COL24A1: variants seen among roughly 807,000 people sequenced by gnomAD.
COL24A1 encodes the protein collagen alpha-1(XXIV) chain.
A neutral mutation model predicts 253.9 loss-of-function variants in COL24A1; 224 were observed. The observed-to-expected ratio is 0.88, with a 90% confidence interval of 0.79 to 0.99. The LOEUF is 0.99. Ranked by LOEUF, COL24A1 falls within the 50% of genes least tolerant of loss-of-function variation. The probability of loss-of-function intolerance (pLI) is 0.00; values close to 1 mark genes in which losing one functional copy is unlikely to be tolerated. For synonymous variants in COL24A1, 685 were observed against 673.7 expected (o/e 1.02, Z -0.26); for missense variants, 2,131 against 2,068.5 (o/e 1.03, Z -0.59).
intron 59 of COL24A1, among the ~76,000 whole-genome samples, chr1:85,733,539 T>C (rs979598041): frequency 6.6e-6 from 1 of 152,108 alleles, no homozygotes; most frequent in Non-Finnish European, 1.5e-5. Flanking sequence ...CTCTAAGAAA[T>C]AGTGTTTTAA....
chr1:86,012,077 C>T (rs571432179), intron 19 of COL24A1, among the ~76,000 whole-genome samples: 1 of 151,780 alleles, frequency 6.6e-6, no homozygotes, highest in African/African-American at 2.4e-5. Flanking sequence ...TTGTAGCCAC[C>T]CAAAGTGCTG....
intron 2 of COL24A1, among the ~76,000 whole-genome samples, chr1:86,131,280 C>T (rs374923623): frequency 2.6e-5 from 4 of 151,882 alleles, no homozygotes; most frequent in East Asian, 3.9e-4. Flanking sequence ...ATTCATTGCA[C>T]AGGTTCAAAT....
At chr1:85,800,496 G>A (rs1456807594) in intron 47 of COL24A1, among the ~76,000 whole-genome samples, 3 of 152,216 alleles carry the variant, frequency 2.0e-5, no homozygotes, top group Non-Finnish European at 4.4e-5. Flanking sequence ...AACTAATACT[G>A]GATAATAAAG....
At chr1:85,999,045 T>C (rs1695141550) in intron 19 of COL24A1, among the ~76,000 whole-genome samples, 1 of 152,224 alleles carries the variant, frequency 6.6e-6, no homozygotes, top group Non-Finnish European at 1.5e-5. Context: ...ATTTTGGTGA[T>C]GAAGATGGGA....
At chr1:85,891,724 T>C (rs1460998283) in intron 31 of COL24A1, among the ~76,000 whole-genome samples, 1 of 152,194 alleles carries the variant, frequency 6.6e-6, no homozygotes, top group African/African-American at 2.4e-5. Context: ...TACAGAAAAC[T>C]TCAGAACTTT....
intron 32 of COL24A1, among the ~76,000 whole-genome samples, chr1:85,879,166 C>A (rs561038513): frequency 6.6e-6 from 1 of 151,962 alleles, no homozygotes; most frequent in African/African-American, 2.4e-5. Context: ...AACCTCAGGT[C>A]ACATAGATTT....
At chr1:85,886,339 G>C (rs1194993844) in intron 32 of COL24A1, among the ~76,000 whole-genome samples, 1 of 149,326 alleles carries the variant, frequency 6.7e-6, no homozygotes, top group African/African-American at 2.5e-5. Flanking sequence ...GTGAGCCACC[G>C]TGCTTGGCCC....
In COL24A1 at chr1:85,868,511, G is replaced by A. The variant is rs1262183844; in HGVS notation, c.3300+8C>T. 1 of 1,602,058 alleles carries A rather than the reference G, an allele frequency of 6.2e-7. No homozygotes were observed. The highest frequency in any genetic ancestry group is 8.6e-7 in the Non-Finnish European group (1 of 1,169,304). ...TTAGTATTTGAAAGTGAACCCAGCA[G>A]TACTTACCGGAAGGCCTGTTTGGCC... On this transcript the variant is annotated splice_region_variant and intron_variant, in intron 37 of 59. Coordinates refer to ENST00000370571, the MANE Select transcript of COL24A1 (RefSeq NM_152890.7).
At chr1:85,893,231 A>G (rs72712703) in intron 31 of COL24A1, among the ~76,000 whole-genome samples, 17,962 of 152,136 alleles carry the variant, frequency 0.12, 1,177 homozygotes, top group South Asian at 0.23. Flanking sequence ...GATAACATAT[A>G]CTTCACAACA....
At chr1:85,869,932 T>G (rs995099599) in intron 35 of COL24A1, among the ~76,000 whole-genome samples, 39 of 152,052 alleles carry the variant, frequency 2.6e-4, no homozygotes, top group African/African-American at 8.5e-4. Context: ...GACCCATCAG[T>G]GTGCTGTATT....
chr1:85,747,175 G>A (rs544099892), intron 55 of COL24A1, among the ~76,000 whole-genome samples: 13 of 144,072 alleles, frequency 9.0e-5, no homozygotes, highest in South Asian at 4.4e-4. Flanking sequence ...GCAGTGGTGC[G>A]ATCTCGGCTC....
At chr1:85,865,946 A>T (rs1266300035) in intron 37 of COL24A1, among the ~76,000 whole-genome samples, 1 of 152,236 alleles carries the variant, frequency 6.6e-6, no homozygotes, top group Non-Finnish European at 1.5e-5. Context: ...ACCCATGGGT[A>T]AGCGAGGCTT....
chr1:86,048,885 C>A (rs978688992), intron 11 of COL24A1, among the ~76,000 whole-genome samples: 2 of 152,144 alleles, frequency 1.3e-5, no homozygotes, highest in African/African-American at 4.8e-5. Context: ...GGCTTAAGAT[C>A]ATTAAATCCA....
chr1:85,827,277 C>A (rs1411284905), intron 43 of COL24A1, among the ~76,000 whole-genome samples: 3 of 151,266 alleles, frequency 2.0e-5, no homozygotes, highest in Non-Finnish European at 4.4e-5. Flanking sequence ...GGATGAAGCC[C>A]ACTTGATCAT....
intron 5 of COL24A1, among the ~76,000 whole-genome samples, chr1:86,104,688 G>T (rs1442734611): frequency 6.6e-6 from 1 of 152,182 alleles, no homozygotes; most frequent in African/African-American, 2.4e-5. Flanking sequence ...CTCTAACACT[G>T]AGGGACTGAT....
At chr1:85,800,976 C>T (rs1671368919) in intron 47 of COL24A1, among the ~76,000 whole-genome samples, 1 of 152,122 alleles carries the variant, frequency 6.6e-6, no homozygotes, top group Admixed American at 6.5e-5. Context: ...GCATCTACAA[C>T]ATCAACACAA....
At chr1:86,019,942 T>C (rs17128733) in intron 18 of COL24A1, among the ~76,000 whole-genome samples, 2,141 of 152,274 alleles carry the variant, frequency 0.014, 59 homozygotes, top group African/African-American at 0.049. Flanking sequence ...GCCTTTTCTT[T>C]AGCTTACACT....
At chr1:85,953,365 CAG>C (rs1217149075) in intron 24 of COL24A1, among the ~76,000 whole-genome samples, 1 of 152,118 alleles carries the variant, frequency 6.6e-6, no homozygotes, top group Non-Finnish European at 1.5e-5. Flanking sequence ...AAAATAAAGC[CAG>C]AGTTTCTCTA....
Position 86,125,455 on chromosome 1 carries a change from A to G in COL24A1, c.881T>C (p.Ile294Thr), listed in dbSNP as rs1189815081. ...FTEGKSIPNI[I>T]KNDSETVYKR... is the part of the protein sequence containing the mutation. ...ATACACGGTTTCAGAATCATTTTTT[A>G]TGATATTTGGAATGCTTTTGCCTTC... is the stretch of plus-strand genomic sequence containing the variant. The change falls in exon 3 of 60, where the codon ATA (isoleucine) becomes ACA (threonine). Residue 294 changes from isoleucine (I) to threonine (T), a missense_variant. By Grantham distance (89) the Ile-to-Thr change is moderately conservative (BLOSUM62 -1). Coordinates refer to ENST00000370571, the MANE Select transcript of COL24A1 (RefSeq NM_152890.7). 5.6e-6 allele frequency: 9 copies of G among 1,613,520 alleles called. No homozygotes were observed. The highest frequency in any genetic ancestry group is 7.6e-6 in the Non-Finnish European group (9 of 1,179,762).
Sources: allele counts gnomAD v4.1 joint callset (sites outside exome capture counted in the v4.1 genomes callset), GRCh38; gene constraint gnomAD v4.1.1; transcripts MANE v1.5; gene names NCBI Gene and HGNC (gene_info 2026-07-23, HGNC 2026-07-21).